The following PCDHA5 variants were observed in gnomAD, a reference collection of about 807,000 sequenced individuals.
PCDHA5 encodes protocadherin alpha 5.
PCDHA5 carries 43 observed loss-of-function variants against 61.6 expected under a neutral mutation model. That is an observed-to-expected ratio of 0.70 (90% confidence interval 0.55 to 0.90). The LOEUF is 0.90. Ranked by LOEUF, PCDHA5 falls within the 40% of genes least tolerant of loss-of-function variation. The probability of loss-of-function intolerance (pLI) is 0.00; values close to 1 mark genes in which losing one functional copy is unlikely to be tolerated. For missense variants in PCDHA5, 1,298 were observed against 1,222.7 expected, an observed-to-expected ratio of 1.06 and a Z score of -0.92; for synonymous variants, 627 against 543.9, an observed-to-expected ratio of 1.15 and a Z score of -2.13.
chr5:140,853,239 A>G (rs2150529987), intron 1 of PCDHA5: 14 of 978,474 alleles, frequency 1.4e-5, no homozygotes, highest in Middle Eastern at 5.3e-4. Flanking sequence ...AGTCCTTCAT[A>G]TTAATCTCTA....
chr5:140,836,091 G>A, intron 1 of PCDHA5: 1 of 1,613,712 alleles, frequency 6.2e-7, no homozygotes, highest in Non-Finnish European at 8.5e-7. Flanking sequence ...GGCGCCTCGG[G>A]TGGGTGGCAC....
chr5:140,971,970 A>C (rs2096510217), intron 1 of PCDHA5, among the ~76,000 whole-genome samples: 1 of 152,130 alleles, frequency 6.6e-6, no homozygotes, highest in Non-Finnish European at 1.5e-5. Flanking sequence ...TTTTTTCAAT[A>C]CTATGAGTAG....
At chr5:140,941,648 T>C (rs975692197) in intron 1 of PCDHA5, among the ~76,000 whole-genome samples, 1 of 152,074 alleles carries the variant, frequency 6.6e-6, no homozygotes, top group Non-Finnish European at 1.5e-5. Context: ...TTCCTACAAC[T>C]TATGTCCAAT....
At chr5:140,914,095 C>G (rs1368870998) in intron 1 of PCDHA5, among the ~76,000 whole-genome samples, 1 of 152,082 alleles carries the variant, frequency 6.6e-6, no homozygotes, top group Non-Finnish European at 1.5e-5. Context: ...TCAATTTGTT[C>G]TATAGTGCAG....
At chr5:140,956,665 G>A (rs1336658976) in intron 1 of PCDHA5, among the ~76,000 whole-genome samples, 3 of 152,004 alleles carry the variant, frequency 2.0e-5, no homozygotes, top group African/African-American at 7.2e-5. Context: ...TGGCCTTAAA[G>A]GAGTTAGGGA....
At chr5:140,958,844 G>A (rs533464436) in intron 1 of PCDHA5, among the ~76,000 whole-genome samples, 81 of 152,122 alleles carry the variant, frequency 5.3e-4, no homozygotes, top group African/African-American at 1.9e-3. Context: ...TATCATTCCA[G>A]TGTCTTTGGT....
chr5:140,876,511 G>A lies in PCDHA5; in HGVS notation c.2352+52384G>A, dbSNP rs559810221. 2.4e-4 allele frequency: 380 copies of A among 1,614,076 alleles called. 4 individuals carry two copies. The South Asian group carries it at 3.9e-3, about 16-fold the overall frequency. ...GGAAGTTCTGGACGTGAATGACAATGTCCCTGAAGTAATGGTTACTTCACT... is the reference window on the plus strand; with the variant it reads ...GGAAGTTCTGGACGTGAATGACAATATCCCTGAAGTAATGGTTACTTCACT... On this transcript the variant is annotated intron_variant, in intron 1 of 3. Coordinates refer to ENST00000529859, the MANE Select transcript of PCDHA5 (RefSeq NM_018908.3).
At chr5:140,984,631 T>C (rs1400847452) in intron 3 of PCDHA5, among the ~76,000 whole-genome samples, 1 of 152,192 alleles carries the variant, frequency 6.6e-6, no homozygotes, top group Non-Finnish European at 1.5e-5. Flanking sequence ...TTAAAGGGAT[T>C]CTCTGCCTTC....
intron 1 of PCDHA5, among the ~76,000 whole-genome samples, chr5:140,919,580 A>G (rs1454243319): frequency 1.3e-5 from 2 of 152,194 alleles, no homozygotes; most frequent in African/African-American, 4.8e-5. Context: ...TTAGAATGTA[A>G]CATGGTAATT....
intron 3 of PCDHA5, among the ~76,000 whole-genome samples, chr5:141,007,925 G>T (rs2098351885): frequency 1.3e-5 from 2 of 152,138 alleles, no homozygotes; most frequent in South Asian, 4.2e-4. Context: ...ATATAAGCTG[G>T]AATTCTAAGC....
intron 3 of PCDHA5, among the ~76,000 whole-genome samples, chr5:141,005,681 G>A (rs970656529): frequency 2.7e-5 from 3 of 112,616 alleles, no homozygotes; most frequent in African/African-American, 3.6e-5. Flanking sequence ...CAGCCTGGGC[G>A]ACAGAGCGAA....
rs886575240 is a variant in PCDHA5, at chr5:140,822,322, A to G, written c.547A>G (p.Thr183Ala). ...CGAATATTTTGACTTAGATGTTAAA[A>G]CAAATGAAGAAGAAACGAACTTTTT... Reference protein sequence around the residue: ...PNEYFDLDVKTNEEETNFLEL... With the variant: ...PNEYFDLDVKANEEETNFLEL... Residue 183 changes from threonine (T) to alanine (A), a missense_variant, in exon 1 of 4, where the codon ACA becomes GCA. Physicochemically the swap from Thr to Ala is moderately conservative, Grantham distance 58. Transcript: ENST00000529859. 1.2e-6 allele frequency: 2 copies of G among 1,614,208 alleles called. No homozygotes were observed. The highest frequency in any genetic ancestry group is 1.7e-5 in the Admixed American group (1 of 60,030).
At chr5:140,841,683 T>C in intron 1 of PCDHA5, 1 of 1,613,816 alleles carries the variant, frequency 6.2e-7, no homozygotes, top group South Asian at 1.1e-5. Flanking sequence ...CATGTGGACG[T>C]GGAGGTGAAG....
At chr5:140,871,709 C>A in intron 1 of PCDHA5, 6 of 829,698 alleles carry the variant, frequency 7.2e-6, no homozygotes, top group Non-Finnish European at 1.1e-5. Flanking sequence ...CAATAAATGT[C>A]CTATTTCTCT....
chr5:140,927,308 C>T (rs782694957), intron 1 of PCDHA5: 3 of 1,614,186 alleles, frequency 1.9e-6, no homozygotes, highest in Non-Finnish European at 2.5e-6. Flanking sequence ...TTCCTGACGC[C>T]CGGAGCCCGC....
intron 1 of PCDHA5, among the ~76,000 whole-genome samples, chr5:140,923,613 G>GT (rs2081443569): frequency 6.6e-6 from 1 of 152,146 alleles, no homozygotes; most frequent in South Asian, 2.1e-4. Context: ...TGTTTATCTG[G>GT]TCATCTTATC....
intron 2 of PCDHA5, among the ~76,000 whole-genome samples, chr5:140,981,648 C>T (rs1294806137): frequency 6.6e-6 from 1 of 152,020 alleles, no homozygotes; most frequent in Non-Finnish European, 1.5e-5. Context: ...TCTTAGGATC[C>T]CACTTATTTC....
intron 1 of PCDHA5, chr5:140,930,288 T>A (rs2086713135): frequency 6.6e-6 from 1 of 152,212 alleles, no homozygotes; most frequent in African/African-American, 2.4e-5. Context: ...CAAATACACT[T>A]AACAAATAAG....
At chr5:140,968,653 C>T (rs1301566656) in intron 1 of PCDHA5, 1 of 1,614,150 alleles carries the variant, frequency 6.2e-7, no homozygotes, top group Non-Finnish European at 8.5e-7. Flanking sequence ...AGACTTCTGA[C>T]CTGGACCTCT....
Sources: gnomAD v4.1 joint callset for allele counts (sites outside exome capture counted in the v4.1 genomes callset) on GRCh38, gnomAD v4.1.1 for gene constraint, MANE v1.5 for transcripts, NCBI Gene and HGNC (gene_info 2026-07-23, HGNC 2026-07-21) for gene names.